NFIB: variants seen among roughly 807,000 people sequenced by gnomAD.
The protein encoded by NFIB is nuclear factor 1 B-type.
NFIB carries 11 observed loss-of-function variants against 61.5 expected under a neutral mutation model. The ratio of observed to expected loss-of-function variants is 0.18; its 90% confidence interval spans 0.11 to 0.30. The LOEUF (loss-of-function observed/expected upper bound fraction) is 0.30, where lower values mean the gene tolerates loss of function less well. Ranked by LOEUF, NFIB falls within the 10% of genes least tolerant of loss-of-function variation. The pLI, the probability that NFIB is intolerant of heterozygous loss-of-function variation, is 1.00. For missense variants in NFIB, 471 were observed against 608.9 expected (o/e 0.77, Z 2.38); for synonymous variants, 260 against 216.5 (o/e 1.20, Z -1.76).
chr9:14,482,673 C>A, the NFIB span, among the ~76,000 whole-genome samples: 4 of 152,308 alleles, frequency 2.6e-5, no homozygotes, highest in South Asian at 8.3e-4. Context: ...CTGTTTATAT[C>A]AATATTTAAA....
chr9:14,409,983 T>G, the NFIB span, among the ~76,000 whole-genome samples: 2 of 152,188 alleles, frequency 1.3e-5, no homozygotes, highest in African/African-American at 4.8e-5. Context: ...CACCCAAACT[T>G]TAGTACTACT....
At chr9:14,195,202 C>A (rs1345225469) in intron 2 of NFIB, among the ~76,000 whole-genome samples, 3 of 152,042 alleles carry the variant, frequency 2.0e-5, no homozygotes, top group African/African-American at 4.8e-5. Flanking sequence ...TTTGGTAGAA[C>A]TGACCTACAG....
At chr9:14,228,755 G>C (rs1030182929) in intron 2 of NFIB, among the ~76,000 whole-genome samples, 2 of 152,258 alleles carry the variant, frequency 1.3e-5, no homozygotes, top group East Asian at 3.9e-4. Flanking sequence ...CAGTCCATCT[G>C]AGATGTCTCT....
intron 6 of NFIB, among the ~76,000 whole-genome samples, chr9:14,140,429 A>ACCTTTG (rs895211830): frequency 1.3e-5 from 2 of 152,192 alleles, no homozygotes; most frequent in African/African-American, 2.4e-5. Flanking sequence ...CTTTGATAGA[A>ACCTTTG]ATAAAAGGTT....
At chr9:14,524,556 G>C in the NFIB span, among the ~76,000 whole-genome samples, 1 of 152,182 alleles carries the variant, frequency 6.6e-6, no homozygotes, top group East Asian at 1.9e-4. Context: ...AAAAATGTGA[G>C]TTGAACCGCA....
At position 14,300,823 on chromosome 9, in the gene NFIB, C is replaced by T. The variant is rs536677025; in HGVS notation, c.562+6166G>A. On this transcript the variant is annotated intron_variant, in intron 2 of 10. Coordinates refer to ENST00000380953, the MANE Select transcript of NFIB (RefSeq NM_001190737.2). ...AAGAGCGCTAGTGTCAGAAAGCAAA[C>T]GGTTTTATATAGCCTACCAGTCTAG... 1.1e-4 allele frequency among the ~76,000 whole-genome samples: 16 copies of T among 152,242 alleles called. No individual in the cohort carries two copies. The East Asian group carries it at 2.1e-3, about 20-fold the overall frequency.
intron 2 of NFIB, among the ~76,000 whole-genome samples, chr9:14,294,884 T>G (rs1400209361): frequency 6.6e-6 from 1 of 152,126 alleles, no homozygotes; most frequent in African/African-American, 2.4e-5. Flanking sequence ...TTTCCAAACC[T>G]CCTGTGCAAA....
upstream of NFIB, chr9:14,399,076 C>A (rs1432441132): frequency 5.1e-6 from 1 of 197,126 alleles, no homozygotes; most frequent in East Asian, 8.0e-5. Context: ...ATGGGAATTT[C>A]AAAAACGTAG....
chr9:14,428,041 G>T, the NFIB span, among the ~76,000 whole-genome samples: 7 of 131,846 alleles, frequency 5.3e-5, no homozygotes, highest in African/African-American at 1.9e-4. Context: ...ACCTCCCCAG[G>T]CTCAGGTGAT....
the NFIB span, among the ~76,000 whole-genome samples, chr9:14,500,825 A>T: frequency 6.6e-6 from 1 of 152,158 alleles, no homozygotes; most frequent in Non-Finnish European, 1.5e-5. Flanking sequence ...CAGCGAATCT[A>T]CATGGTGTTT....
intron 2 of NFIB, among the ~76,000 whole-genome samples, chr9:14,219,143 C>A (rs551252756): frequency 6.6e-6 from 1 of 152,062 alleles, no homozygotes; most frequent in Non-Finnish European, 1.5e-5. Flanking sequence ...AAATGCTGCA[C>A]CTTATGAAGT....
At chr9:14,434,780 G>C in the NFIB span, among the ~76,000 whole-genome samples, 3 of 152,210 alleles carry the variant, frequency 2.0e-5, no homozygotes, top group African/African-American at 7.2e-5. Context: ...GTCTACACAA[G>C]ATATTCCAAG....
chr9:14,217,048 T>C (rs1017295423), intron 2 of NFIB, among the ~76,000 whole-genome samples: 6 of 152,224 alleles, frequency 3.9e-5, no homozygotes, highest in African/African-American at 9.6e-5. Context: ...GTGGAAGATA[T>C]GTGAAATGAC....
chr9:14,314,787 A>G (rs866021658), upstream of NFIB, among the ~76,000 whole-genome samples: 7 of 133,124 alleles, frequency 5.3e-5, no homozygotes, highest in Middle Eastern at 4.1e-3. Context: ...CTACAGAACC[A>G]TGACTTTTTT....
intron 1 of NFIB, among the ~76,000 whole-genome samples, chr9:14,351,125 C>T (rs2061105903): frequency 6.6e-6 from 1 of 152,178 alleles, no homozygotes; most frequent in Non-Finnish European, 1.5e-5. Context: ...TATCCCCAGA[C>T]TAGCTGCTAA....
In NFIB at chr9:14,321,714, T is replaced by C. The variant is rs2060665195; in HGVS notation, c.109-14194A>G. On this transcript the variant is annotated intron_variant, in intron 1 of 8. Transcript: ENST00000380934. ...ATTCCCGTCATAAGAGTGTGTCACATGTACTAAAGTTGCCAACGCTAAATA... is the reference window on the plus strand; with the variant it reads ...ATTCCCGTCATAAGAGTGTGTCACACGTACTAAAGTTGCCAACGCTAAATA... 1.3e-5 allele frequency among the ~76,000 whole-genome samples: 2 copies of C among 152,190 alleles called. 1 individual carries two copies.
At chr9:14,205,890 A>G (rs1298019844) in intron 2 of NFIB, among the ~76,000 whole-genome samples, 4 of 152,044 alleles carry the variant, frequency 2.6e-5, no homozygotes, top group Admixed American at 2.0e-4. Flanking sequence ...CTTTAATCGT[A>G]TATTTTGAAT....
At chr9:14,236,682 T>C (rs1587832693) in intron 2 of NFIB, among the ~76,000 whole-genome samples, 1 of 152,318 alleles carries the variant, frequency 6.6e-6, no homozygotes, top group Admixed American at 6.5e-5. Flanking sequence ...AATAAGGATA[T>C]ATTTTTCATG....
intron 1 of NFIB, among the ~76,000 whole-genome samples, chr9:14,332,226 G>A (rs866704972): frequency 2.6e-5 from 4 of 151,522 alleles, no homozygotes; most frequent in South Asian, 2.1e-4. Flanking sequence ...CCAGCTATTC[G>A]GGAGGCTGAG....
Sources: gnomAD v4.1 joint callset for allele counts (sites outside exome capture counted in the v4.1 genomes callset) on GRCh38, gnomAD v4.1.1 for gene constraint, MANE v1.5 for transcripts, NCBI Gene and HGNC (gene_info 2026-07-23, HGNC 2026-07-21) for gene names.